Variants in GRID2IP observed in about 807,000 individuals in gnomAD.
The protein encoded by GRID2IP is Grid2 interacting protein, also known as delphilin.
GRID2IP carries 78 observed loss-of-function variants against 114.3 expected under a neutral mutation model. The ratio of observed to expected loss-of-function variants is 0.68; its 90% CI spans 0.57 to 0.82. The LOEUF (loss-of-function observed/expected upper bound fraction) is 0.82, where lower values mean the gene tolerates loss of function less well. GRID2IP is among the 40% of genes least tolerant of loss of function. The pLI is 0.00. For synonymous variants in GRID2IP, 809 were observed against 724.0 expected, an observed-to-expected ratio of 1.12 and a Z score of -1.89; for missense variants, 1,727 against 1,678.5, an observed-to-expected ratio of 1.03 and a Z score of -0.51.
At chr7:6,500,667 G>A (rs1786388418) in intron 20 of GRID2IP, among the ~76,000 whole-genome samples, 1 of 152,232 alleles carries the variant, frequency 6.6e-6, no homozygotes, top group Non-Finnish European at 1.5e-5. Flanking sequence ...TGTGACAGGG[G>A]CTTTCACCAC....
intron 7 of GRID2IP, among the ~76,000 whole-genome samples, chr7:6,517,219 T>C (rs1030281780): frequency 2.0e-4 from 30 of 148,888 alleles, no homozygotes; most frequent in African/African-American, 6.8e-4. Context: ...CACGCCCGGC[T>C]ATTTTTTTTT....
intron 7 of GRID2IP, among the ~76,000 whole-genome samples, chr7:6,515,692 C>T (rs371039671): frequency 7.7e-4 from 116 of 150,834 alleles, no homozygotes; most frequent in African/African-American, 2.7e-3. Context: ...GCAGGAGAAT[C>T]GCCTCGCCTG....
At chr7:6,514,942 A>C (rs1373121544) in intron 7 of GRID2IP, among the ~76,000 whole-genome samples, 1 of 144,390 alleles carries the variant, frequency 6.9e-6, no homozygotes. Flanking sequence ...ACAGAGTGAG[A>C]CTCCAACTCA....
chr7:6,548,140 G>A (rs1351527354), intron 1 of GRID2IP, among the ~76,000 whole-genome samples: 1 of 152,150 alleles, frequency 6.6e-6, no homozygotes, highest in East Asian at 1.9e-4. Flanking sequence ...ATCTCCTGAG[G>A]TCAGGAGTTC....
rs916769211 is a variant in GRID2IP at position 6,521,775 on chromosome 7, C to T, written c.989+113G>A. On this transcript the variant is annotated intron_variant, in intron 5 of 21. Coordinates refer to ENST00000457091, the MANE Select transcript of GRID2IP (RefSeq NM_001145118.2). This position sits in a 1 kb window ranked among gnomAD's most constrained non-coding sequence, Gnocchi z 4.1. ...TTGGAAGAGGGACAGACCCTGGGGACCAAATGGTGAGAGGAGATTGTGATC... is the reference window on the plus strand; with the variant it reads ...TTGGAAGAGGGACAGACCCTGGGGATCAAATGGTGAGAGGAGATTGTGATC... 1.2e-5 allele frequency: 10 copies of T among 823,030 alleles called. No individual in the cohort carries two copies. The highest frequency in any genetic ancestry group is 1.8e-5 in the Non-Finnish European group (9 of 506,408). The allele number at this position is 823,030 out of a possible 1,614,324, so 51.0% of individuals were successfully genotyped here.
At chr7:6,533,792 T>G (rs1704932304) in intron 2 of GRID2IP, among the ~76,000 whole-genome samples, 1 of 151,658 alleles carries the variant, frequency 6.6e-6, no homozygotes, top group Non-Finnish European at 1.5e-5. Flanking sequence ...ATTACAGGCA[T>G]GAACCACCAA....
intron 7 of GRID2IP, among the ~76,000 whole-genome samples, chr7:6,517,672 G>A (rs992809495): frequency 1.2e-4 from 18 of 151,158 alleles, no homozygotes; most frequent in Admixed American, 1.1e-3. Context: ...GGCAGGCTGA[G>A]GCAGGGGGAT....
At position 6,536,659 on chromosome 7, in the gene GRID2IP, T is replaced by G. The variant is rs936787227; in HGVS notation, c.584+3059A>C. ...GACAGCTGGGCCGCCTGCGCCCCGC[T>G]GGCCCATCCCTGGTGGGGAGGGGCG... On this transcript the variant is annotated intron_variant, in intron 2 of 21. Coordinates refer to ENST00000457091, the MANE Select transcript of GRID2IP (RefSeq NM_001145118.2). This position sits in a 1 kb window ranked among gnomAD's most constrained non-coding sequence, Gnocchi z 5.3. Among the ~76,000 whole-genome samples the G allele has an allele frequency of 1.1e-4, 16 of 149,998 alleles. No individual in the cohort carries two copies. The highest frequency in any genetic ancestry group is 2.2e-4 in the South Asian group (1 of 4,534).
At position 6,508,760 on chromosome 7, in the gene GRID2IP, T is replaced by C. The variant is rs182371273; in HGVS notation, c.2127+198A>G. On this transcript the variant is annotated intron_variant, in intron 12 of 21. Coordinates refer to ENST00000457091, the MANE Select transcript of GRID2IP (RefSeq NM_001145118.2). The surrounding 1 kb of genome is among the most constrained non-coding windows in gnomAD (Gnocchi z 5.6). ...GACAGGGAATATGGGCTAGCCTCAG[T>C]CAAGGAGCATGATAACCTTGAACAG... Among the ~76,000 whole-genome samples, 5 of 152,068 alleles carry C rather than the reference T, an allele frequency of 3.3e-5. No individual in the cohort carries two copies. The East Asian group carries it at 9.7e-4, about 30-fold the overall frequency.
chr7:6,535,075 G>A (rs1234357835), intron 2 of GRID2IP, among the ~76,000 whole-genome samples: 1 of 152,170 alleles, frequency 6.6e-6, no homozygotes, highest in African/African-American at 2.4e-5. Flanking sequence ...AGTAGTGACA[G>A]GGTTTCTCCA....
In GRID2IP at chr7:6,509,204, G is replaced by A; in HGVS notation, c.1881C>T (p.Ser627=). The A allele has an allele frequency of 1.2e-5, 18 of 1,490,542 alleles. No individual in the cohort carries two copies. The highest frequency in any genetic ancestry group is 1.6e-5 in the Non-Finnish European group (18 of 1,117,278). The allele number at this position is 1,490,542 out of a possible 1,614,324, so 92.3% of individuals were successfully genotyped here. A position where few individuals can be genotyped will look rare whatever the true frequency, so the allele number is the denominator to read the frequency against. Residue 627 remains serine (S), a synonymous_variant, in exon 12 of 22, where the codon TCC becomes TCT. Transcript: ENST00000457091. This position sits in a 1 kb window ranked among gnomAD's most constrained non-coding sequence, Gnocchi z 4.9. ...TGCTGTCCAGGCTGGCGTAGGGGTGGGACTCAGAGCTGCTGGGGGAGGCCA... is the reference window on the plus strand; with the variant it reads ...TGCTGTCCAGGCTGGCGTAGGGGTGAGACTCAGAGCTGCTGGGGGAGGCCA... ...GGLASPSSSE[S]HPYASLDSSR... is the part of the protein sequence containing the mutation.
At position 6,536,674 on chromosome 7, in the gene GRID2IP, G is replaced by A. The variant is rs1276782568; in HGVS notation, c.584+3044C>T. Among the ~76,000 whole-genome samples the A allele has an allele frequency of 6.6e-6, 1 of 152,186 alleles. No homozygotes were observed. Among genetic ancestry groups the A allele is most frequent in the African/African-American group, 2.4e-5 (1 of 41,454 alleles). ...TGCGCCCCGCTGGCCCATCCCTGGT[G>A]GGGAGGGGCGGGACGGGGGGCTGCC... On this transcript the variant is annotated intron_variant, in intron 2 of 21. Transcript: ENST00000457091. The surrounding 1 kb of genome is among the most constrained non-coding windows in gnomAD (Gnocchi z 5.3).
At position 6,516,963 on chromosome 7, in the gene GRID2IP, G is replaced by A. The variant is rs1779316605; in HGVS notation, c.1269-2434C>T. 6.6e-6 allele frequency among the ~76,000 whole-genome samples: 1 copy of A among 151,846 alleles called. No homozygotes were observed. Among genetic ancestry groups the A allele is most frequent in the Non-Finnish European group, 1.5e-5 (1 of 67,978 alleles). ...TACACAATAAATAACAGCACGGCCAGGCATTCGGGGCCACTACTGGTCTCC... is the reference window on the plus strand; with the variant it reads ...TACACAATAAATAACAGCACGGCCAAGCATTCGGGGCCACTACTGGTCTCC... On this transcript the variant is annotated intron_variant, in intron 7 of 21. Coordinates refer to ENST00000457091, the MANE Select transcript of GRID2IP (RefSeq NM_001145118.2). The surrounding 1 kb of genome is among the most constrained non-coding windows in gnomAD (Gnocchi z 4.3).
chr7:6,497,841 G>T lies in GRID2IP; in HGVS notation c.3569C>A (p.Ala1190Glu). Residue 1190 changes from alanine (A) to glutamate (E), a missense_variant, in exon 22 of 22, where the codon GCG (alanine) becomes GAG (glutamate). Physicochemically the swap from Ala to Glu is moderately radical, Grantham distance 107. Transcript: ENST00000457091. ...FAEFMSKFER[A>E]LSDLQAGEGL... is the part of the protein sequence containing the mutation. ...CTCCCCGGCCTGCAGGTCACTCAGCGCTCGCTGGGGAGGGGGAACACAGAG... is the reference window on the plus strand; with the variant it reads ...CTCCCCGGCCTGCAGGTCACTCAGCTCTCGCTGGGGAGGGGGAACACAGAG... The T allele has an allele frequency of 6.5e-7, 1 of 1,549,784 alleles. No individual in the cohort carries two copies.
At chr7:6,503,752 G>C (rs1279423741) in intron 15 of GRID2IP, 65 bp from the exon 16 acceptor site, 1 of 1,261,066 alleles carries the variant, frequency 7.9e-7, no homozygotes, top group Admixed American at 3.0e-5. Flanking sequence ...ACCCAAGACG[G>C]AGAGGGCAGG....
At chr7:6,503,454 C>T (rs1193276210) in intron 16 of GRID2IP, 37 bp downstream of exon 16, 8 of 1,478,402 alleles carry the variant, frequency 5.4e-6, no homozygotes, top group Admixed American at 2.4e-5. Flanking sequence ...CCTGTGGAGC[C>T]GGCCGAGGCC....
chr7:6,500,054 C>A (rs1409456358), intron 20 of GRID2IP, among the ~76,000 whole-genome samples: 1 of 152,036 alleles, frequency 6.6e-6, no homozygotes, highest in Non-Finnish European at 1.5e-5. Flanking sequence ...TGAATGTGAC[C>A]ATCCATCTTC....
chr7:6,508,873 T>G lies in GRID2IP; in HGVS notation c.2127+85A>C. 1 of 1,480,758 alleles carries G rather than the reference T, an allele frequency of 6.8e-7. No individual in the cohort carries two copies. Among genetic ancestry groups the G allele is most frequent in the African/African-American group, 1.4e-5 (1 of 71,750 alleles). The allele number at this position is 1,480,758 out of a possible 1,614,324, so 91.7% of individuals were successfully genotyped here. A position where few individuals can be genotyped will look rare whatever the true frequency, so the allele number is the denominator to read the frequency against. ...GAAGATCCCAAGGGCAGCAGGCCCCTTGCGGGAGCCCAGGAACACTGTTGC... is the reference window on the plus strand; with the variant it reads ...GAAGATCCCAAGGGCAGCAGGCCCCGTGCGGGAGCCCAGGAACACTGTTGC... On this transcript the variant is annotated intron_variant, in intron 12 of 21. Coordinates refer to ENST00000457091, the MANE Select transcript of GRID2IP (RefSeq NM_001145118.2). The surrounding 1 kb of genome is among the most constrained non-coding windows in gnomAD (Gnocchi z 5.6).
chr7:6,549,106 C>A (rs1779930161), intron 1 of GRID2IP, among the ~76,000 whole-genome samples: 1 of 152,142 alleles, frequency 6.6e-6, no homozygotes, highest in Non-Finnish European at 1.5e-5. Context: ...TGTACTGGGA[C>A]CTAGTCAGTG....
Sources: gnomAD v4.1 joint callset for allele counts (sites outside exome capture counted in the v4.1 genomes callset) on GRCh38, gnomAD v4.1.1 for gene constraint, Gnocchi (gnomAD v3.1) non-coding constraint, MANE v1.5 for transcripts, NCBI Gene and HGNC (gene_info 2026-07-23, HGNC 2026-07-21) for gene names.